Variants in ELP4 observed in about 807,000 individuals in gnomAD.
The protein encoded by ELP4 is elongator acetyltransferase complex subunit 4.
A neutral mutation model predicts 48.9 loss-of-function variants in ELP4; 51 were observed. The observed-to-expected ratio is 1.04, with a 90% CI of 0.83 to 1.32. ELP4 has a LOEUF of 1.32. Ranked by LOEUF, ELP4 falls within the 40% of genes most tolerant of loss-of-function variation. The probability of loss-of-function intolerance (pLI) is 0.00; values close to 1 mark genes in which losing one functional copy is unlikely to be tolerated. For missense variants in ELP4, 519 were observed against 514.6 expected, an observed-to-expected ratio of 1.01 and a Z score of -0.08; for synonymous variants, 210 against 189.2, an observed-to-expected ratio of 1.11 and a Z score of -0.90.
At chr11:31,531,595 G>T (rs1261894448) in intron 2 of ELP4, among the ~76,000 whole-genome samples, 1 of 152,160 alleles carries the variant, frequency 6.6e-6, no homozygotes. Context: ...GAGCAATATG[G>T]GTGGTGCTAA....
At chr11:31,560,692 A>ATATATATATAAAACAACGTTGTTT (rs1339094342) in intron 3 of ELP4, among the ~76,000 whole-genome samples, 1 of 147,394 alleles carries the variant, frequency 6.8e-6, no homozygotes, top group African/African-American at 2.5e-5. Context: ...ACATTGTTTT[A>ATATATATATAAAACAACGTTGTTT]TATATATATA....
intron 1 of ELP4, among the ~76,000 whole-genome samples, chr11:31,518,315 A>G (rs1482333823): frequency 6.6e-6 from 1 of 151,902 alleles, no homozygotes; most frequent in Non-Finnish European, 1.5e-5. Flanking sequence ...TATGTTGGTC[A>G]GGCTGGTCTC....
intron 2 of ELP4, among the ~76,000 whole-genome samples, chr11:31,537,261 C>T (rs1373027608): frequency 6.6e-6 from 1 of 152,112 alleles, no homozygotes; most frequent in Non-Finnish European, 1.5e-5. Flanking sequence ...TCAGTTATTG[C>T]AGGACCATTT....
At chr11:31,534,234 C>T (rs1956461284) in intron 2 of ELP4, among the ~76,000 whole-genome samples, 4 of 151,140 alleles carry the variant, frequency 2.6e-5, no homozygotes, top group Non-Finnish European at 1.5e-5. Flanking sequence ...ATACGTTTCA[C>T]TGGATTATAA....
At position 31,581,251 on chromosome 11, in the gene ELP4, C is replaced by G. The variant is rs143445567; in HGVS notation, c.382-13519C>G. ...TTTATCATTCTAGCAACTGCCTTGA[C>G]CTTGCTTCTGTGTAAGATGTCTTGT... is the stretch of plus-strand genomic sequence containing the variant. On this transcript the variant is annotated intron_variant, in intron 3 of 9. Coordinates refer to ENST00000640961, the MANE Select transcript of ELP4 (RefSeq NM_019040.5). Among the ~76,000 whole-genome samples, 931 of 152,210 alleles carry G rather than the reference C, an allele frequency of 6.1e-3. 10 individuals carry two copies. The highest frequency in any genetic ancestry group is 0.021 in the African/African-American group (886 of 41,524).
intron 8 of ELP4, chr11:31,649,055 T>A (rs1945266077): frequency 6.6e-6 from 1 of 151,772 alleles, no homozygotes; most frequent in Non-Finnish European, 1.5e-5. Context: ...AAAAGCTGTC[T>A]TCTTGAAACA....
chr11:31,751,976 A>AAGCTGTGT (rs1947731297), intron 9 of ELP4, among the ~76,000 whole-genome samples: 1 of 152,244 alleles, frequency 6.6e-6, no homozygotes, highest in Non-Finnish European at 1.5e-5. Flanking sequence ...CCTCTTGTAA[A>AAGCTGTGT]AGCTGTGTAA....
Position 31,708,215 on chromosome 11 carries a change from C to T in ELP4, c.1143+57994C>T, listed in dbSNP as rs1384146447. Reference sequence around the variant, plus strand: ...CAGAGTAGTATCTCCTACAGGGAAACCTTCTACTTCTCCTCTTTTATATCC... The same window carrying T: ...CAGAGTAGTATCTCCTACAGGGAAATCTTCTACTTCTCCTCTTTTATATCC... On this transcript the variant is annotated intron_variant, in intron 9 of 9. Coordinates refer to ENST00000640961, the MANE Select transcript of ELP4 (RefSeq NM_019040.5). Among the ~76,000 whole-genome samples the T allele has an allele frequency of 3.3e-5, 5 of 152,086 alleles. No individual in the cohort carries two copies. The South Asian group carries it at 1.0e-3, about 32-fold the overall frequency.
chr11:31,660,127 A>G (rs1223710908), intron 9 of ELP4, among the ~76,000 whole-genome samples: 1 of 152,202 alleles, frequency 6.6e-6, no homozygotes, highest in Admixed American at 6.5e-5. Flanking sequence ...ATGAATGAAA[A>G]AAGCTTATCT....
In ELP4 at chr11:31,715,011, A is replaced by T. The variant is rs1165362965; in HGVS notation, c.1143+64790A>T. On this transcript the variant is annotated intron_variant, in intron 9 of 9. Coordinates refer to ENST00000640961, the MANE Select transcript of ELP4 (RefSeq NM_019040.5). The stretch of plus-strand genomic sequence containing the variant: ...GTATGGACATTTTTTGAGGACTGTT[A>T]TTCTGCCTACCACACATTTCTTTCA... The T allele has an allele frequency of 1.0e-5, 4 of 390,358 alleles. No individual in the cohort carries two copies. The Admixed American group carries it at 1.3e-4, about 13-fold the overall frequency. 24.2% of individuals were successfully genotyped at this position (390,358 alleles called of 1,614,324 possible).
At chr11:31,754,817 A>C (rs868038935) in intron 9 of ELP4, among the ~76,000 whole-genome samples, 3 of 152,314 alleles carry the variant, frequency 2.0e-5, no homozygotes, top group South Asian at 2.1e-4. Context: ...GGTTGCAGTG[A>C]GCCAAGATCA....
intron 3 of ELP4, among the ~76,000 whole-genome samples, chr11:31,568,073 A>G (rs1307547310): frequency 6.6e-6 from 1 of 152,236 alleles, no homozygotes; most frequent in Admixed American, 6.5e-5. Flanking sequence ...CAACTGCCGA[A>G]AAGCTCCTTA....
chr11:31,578,903 C>G (rs1343770807), intron 3 of ELP4, among the ~76,000 whole-genome samples: 1 of 152,110 alleles, frequency 6.6e-6, no homozygotes, highest in East Asian at 1.9e-4. Flanking sequence ...ACTAAAACAC[C>G]AAAAGCAATG....
rs1248484183 is a variant in ELP4 at position 31,788,214 on chromosome 11, C to T, written c.*4690C>T. 8.8e-6 allele frequency: 2 copies of T among 226,630 alleles called. No individual in the cohort carries two copies. Among genetic ancestry groups the T allele is most frequent in the East Asian group, 1.3e-4 (2 of 15,878 alleles). 14.0% of individuals were successfully genotyped at this position (226,630 alleles called of 1,614,324 possible). A position where few individuals can be genotyped will look rare whatever the true frequency, so the allele number is the denominator to read the frequency against. On this transcript the variant is annotated 3_prime_UTR_variant, in exon 10 of 10. Transcript: ENST00000640961. ...CAAATAACAACTGACCAACAATGGG[C>T]CCTGCTTCATAGATTTGGGAATGTT...
chr11:31,652,183 C>T (rs997890792), intron 9 of ELP4: 1 of 151,584 alleles, frequency 6.6e-6, no homozygotes, highest in African/African-American at 2.4e-5. Context: ...AAACTCTGCA[C>T]CTTTTTGTCT....
intron 9 of ELP4, among the ~76,000 whole-genome samples, chr11:31,734,058 C>G (rs1490862687): frequency 1.3e-5 from 2 of 152,106 alleles, no homozygotes; most frequent in African/African-American, 4.8e-5. Flanking sequence ...AAGGATGGCT[C>G]AACATAAGAA....
chr11:31,709,224 G>A (rs1188523072), intron 9 of ELP4, among the ~76,000 whole-genome samples: 5 of 152,086 alleles, frequency 3.3e-5, no homozygotes, highest in East Asian at 1.9e-4. Context: ...ATATGCATAC[G>A]ACCTGGTGTC....
At chr11:31,763,958 A>G (rs942438914) in intron 9 of ELP4, among the ~76,000 whole-genome samples, 2 of 152,110 alleles carry the variant, frequency 1.3e-5, no homozygotes, top group Non-Finnish European at 2.9e-5. Flanking sequence ...CTTTAAACCG[A>G]AAATCTATAG....
Position 31,728,927 on chromosome 11 carries a change from T to A in ELP4, c.1144-54466T>A, listed in dbSNP as rs116919335. ...CTCGTGATAAATTACACCATGAATC[T>A]TAGGAAGGCATATTGAGCTTTCTAT... On this transcript the variant is annotated intron_variant, in intron 9 of 9. Coordinates refer to ENST00000640961, the MANE Select transcript of ELP4 (RefSeq NM_019040.5). 9.8e-4 allele frequency among the ~76,000 whole-genome samples: 149 copies of A among 152,276 alleles called. 2 individuals are homozygous for A. The highest frequency in any genetic ancestry group is 1.6e-3 in the Non-Finnish European group (109 of 68,000).
Sources: gnomAD v4.1 joint callset for allele counts (sites outside exome capture counted in the v4.1 genomes callset) on GRCh38, gnomAD v4.1.1 for gene constraint, MANE v1.5 for transcripts, NCBI Gene and HGNC (gene_info 2026-07-23, HGNC 2026-07-21) for gene names.